Variants in PLEKHN1 observed in about 807,000 individuals in gnomAD.
PLEKHN1 encodes pleckstrin homology domain-containing family N member 1.
A neutral mutation model predicts 72.8 loss-of-function variants in PLEKHN1; 68 were observed. The observed-to-expected ratio is 0.93, with a 90% CI of 0.77 to 1.14. The LOEUF (loss-of-function observed/expected upper bound fraction) is 1.14. Among genes scored for constraint, PLEKHN1 ranks in the 50% most tolerant of loss-of-function variants. The pLI is 0.00. For missense variants in PLEKHN1, 1,015 were observed against 840.5 expected, an observed-to-expected ratio of 1.21 and a Z score of -2.57; for synonymous variants, 454 against 371.6, an observed-to-expected ratio of 1.22 and a Z score of -2.55.
chr1:966,705 G>A lies in PLEKHN1; in HGVS notation c.85G>A (p.Glu29Lys), dbSNP rs779580704. The A allele has an allele frequency of 2.3e-5, 36 of 1,577,716 alleles. No homozygotes were observed. Among genetic ancestry groups the A allele is most frequent in the Non-Finnish European group, 2.9e-5 (34 of 1,162,092 alleles). Residue 29 changes from glutamate to lysine, a missense_variant and splice_region_variant, in exon 2 of 16, where the codon GAG (glutamate) becomes AAG (lysine). Physicochemically the swap from Glu to Lys is moderately conservative, Grantham distance 56. Coordinates refer to ENST00000379410, the MANE Select transcript of PLEKHN1 (RefSeq NM_032129.3). The part of the protein sequence containing the change: ...SRKPSLKGNR[E>K]DSARMSAGLP... The stretch of plus-strand genomic sequence containing the variant: ...CGAGACCCCTTGCCTTGTCCCCAGA[G>A]AGGACAGCGCGCGGATGTCGGCCGG...
intron 2 of PLEKHN1, among the ~76,000 whole-genome samples, chr1:969,029 G>T (rs1341912528): frequency 6.6e-6 from 1 of 152,184 alleles, no homozygotes; most frequent in African/African-American, 2.4e-5. Context: ...GCAACGGTGA[G>T]GACACTGACA....
At position 974,347 on chromosome 1, in the gene PLEKHN1, C is replaced by T. The variant is rs758159850; in HGVS notation, c.1685C>T (p.Pro562Leu). Residue 562 changes from proline (P) to leucine (L), a missense_variant, in exon 15 of 16, where the codon CCC becomes CTC. Physicochemically the swap from Pro to Leu is moderately conservative, Grantham distance 98 (BLOSUM62 -3). Coordinates refer to ENST00000379410, the MANE Select transcript of PLEKHN1 (RefSeq NM_032129.3). ...VSSAREGSPE[P>L]WLPLTDGRSP... The stretch of plus-strand genomic sequence containing the variant: ...TCTGCCAGGGAAGGTTCGCCCGAAC[C>T]CTGGCTGCCTCTGACAGGTGAGTAA... 3 of 1,612,946 alleles carry T rather than the reference C, an allele frequency of 1.9e-6. No individual in the cohort carries two copies. Among genetic ancestry groups the T allele is most frequent in the Non-Finnish European group, 2.5e-6 (3 of 1,180,006 alleles).
rs759607245 is a variant in PLEKHN1, at chr1:972,104, C to A, written c.819C>A (p.Ile273=). ...KGELPLRAVH[I]NLEEKEKQIR... is the part of the protein sequence containing the mutation. The stretch of plus-strand genomic sequence containing the variant: ...AGCTCCCACTCCGTGCCGTCCACAT[C>A]AACCTGGAGGAGAAGGAGAAGCAGA... Residue 273 remains isoleucine, a synonymous_variant, in exon 9 of 16, where the codon ATC becomes ATA. Coordinates refer to ENST00000379410, the MANE Select transcript of PLEKHN1 (RefSeq NM_032129.3). 2 of 1,613,172 alleles carry A rather than the reference C, an allele frequency of 1.2e-6. No individual in the cohort carries two copies. The highest frequency in any genetic ancestry group is 1.7e-6 in the Non-Finnish European group (2 of 1,179,930).
chr1:970,999 C>G lies in PLEKHN1; in HGVS notation c.605C>G (p.Pro202Arg). 1.2e-6 allele frequency: 2 copies of G among 1,603,514 alleles called. No individual in the cohort carries two copies. Among genetic ancestry groups the G allele is most frequent in the Non-Finnish European group, 8.5e-7 (1 of 1,175,558 alleles). Residue 202 changes from proline to arginine, a missense_variant, in exon 6 of 16, where the codon CCC becomes CGC. Coordinates refer to ENST00000379410, the MANE Select transcript of PLEKHN1 (RefSeq NM_032129.3). This position sits in a 1 kb window ranked among gnomAD's most constrained non-coding sequence, Gnocchi z 4.2. ...LGGPRRCHSA[P>R]PQRRLTRLRT... ...GGGCCGCGGCGCTGCCACTCGGCAC[C>G]CCCACAGGTCAGTGCCGGGGACCCC... is the stretch of plus-strand genomic sequence containing the variant.
intron 2 of PLEKHN1, among the ~76,000 whole-genome samples, chr1:969,548 G>C: frequency 6.7e-6 from 1 of 149,104 alleles, no homozygotes; most frequent in Middle Eastern, 3.4e-3. Context: ...ATGTGCACGT[G>C]TGTATGTGTA....
intron 2 of PLEKHN1, among the ~76,000 whole-genome samples, chr1:968,074 G>C (rs562075923): frequency 6.6e-6 from 1 of 152,240 alleles, no homozygotes; most frequent in African/African-American, 2.4e-5. Flanking sequence ...CCGGGGCCCC[G>C]AGGCTGAGCT....
rs1340472249 is a variant in PLEKHN1, at chr1:973,590, C to G, written c.1384C>G (p.Pro462Ala). 2.5e-6 allele frequency: 4 copies of G among 1,613,194 alleles called. No individual in the cohort carries two copies. Among genetic ancestry groups the G allele is most frequent in the African/African-American group, 1.3e-5 (1 of 74,924 alleles). ...GCCCCTCTATGCCGACCCCTACACA[C>G]CACCCGCCACCTCCCACCGCAGGGT... ...HSPLYADPYT[P>A]PATSHRRVTD... Residue 462 changes from proline (P) to alanine (A), a missense_variant, in exon 13 of 16, where the codon CCA becomes GCA. Pro to Ala is a conservative substitution (Grantham distance 27, BLOSUM62 -1). Transcript: ENST00000379410.
intron 2 of PLEKHN1, among the ~76,000 whole-genome samples, chr1:968,425 T>C (rs1011150496): frequency 1.3e-5 from 2 of 152,196 alleles, no homozygotes; most frequent in East Asian, 3.8e-4. Flanking sequence ...AAGCCTGCAT[T>C]TGTAGAGGAC....
intron 2 of PLEKHN1, among the ~76,000 whole-genome samples, chr1:967,420 G>T (rs923451311): frequency 6.7e-6 from 1 of 148,786 alleles, no homozygotes; most frequent in South Asian, 2.1e-4. Context: ...TCACAGGGTA[G>T]ATCCCAGCCC....
rs1268852672 is a variant in PLEKHN1 at position 966,517 on chromosome 1, T to C, written c.-15T>C. ...GGACAGGGACCCAGACTTGCCGACC[T>C]GTACGACTCTGGCCATGGGGAACAG... On this transcript the variant is annotated 5_prime_UTR_variant, in exon 1 of 16. Transcript: ENST00000379410. 2 of 1,589,270 alleles carry C rather than the reference T, an allele frequency of 1.3e-6. No individual in the cohort carries two copies. Among genetic ancestry groups the C allele is most frequent in the African/African-American group, 1.3e-5 (1 of 74,330 alleles).
intron 2 of PLEKHN1, 93 bp downstream of exon 2, chr1:966,896 C>T (rs1024589278): frequency 2.9e-6 from 4 of 1,369,690 alleles, no homozygotes; most frequent in Non-Finnish European, 3.9e-6. Flanking sequence ...GTCTTCCCCT[C>T]GCCCCCGGGG....
Position 974,376 on chromosome 1 carries a change from T to C in PLEKHN1, c.1702+12T>C, listed in dbSNP as rs1461905410. ...GCTGCCTCTGACAGGTGAGTAAGGA[T>C]CCTGCCTCCTGAGGTGAGTGCCTGT... is the stretch of plus-strand genomic sequence containing the variant. On this transcript the variant is annotated intron_variant, in intron 15 of 15. Transcript: ENST00000379410. The C allele has an allele frequency of 1.9e-6, 3 of 1,612,994 alleles. No individual in the cohort carries two copies. The Admixed American group carries it at 5.0e-5, about 27-fold the overall frequency.
chr1:967,009 GAGTC>G (rs1406345767), intron 2 of PLEKHN1, among the ~76,000 whole-genome samples: 3 of 152,216 alleles, frequency 2.0e-5, no homozygotes, highest in Non-Finnish European at 2.9e-5. Flanking sequence ...ACGCAGGACT[GAGTC>G]AGTCGGGAGA....
chr1:973,887 T>C lies in PLEKHN1; in HGVS notation c.1489T>C (p.Ser497Pro). Reference sequence around the variant, plus strand: ...ACCCACGCCCTCGAGCCCACTCCCCTCGGTGCCTGTGTCTGTGCCTGCCTC... The same window carrying C: ...ACCCACGCCCTCGAGCCCACTCCCCCCGGTGCCTGTGTCTGTGCCTGCCTC... ...RGPTPSSPLP[S>P]VPVSVPASDP... Residue 497 changes from serine to proline, a missense_variant, in exon 14 of 16, where the codon TCG becomes CCG. By Grantham distance (74) the Ser-to-Pro change is moderately conservative. Coordinates refer to ENST00000379410, the MANE Select transcript of PLEKHN1 (RefSeq NM_032129.3). 6.2e-7 allele frequency: 1 copy of C among 1,611,074 alleles called. No individual in the cohort carries two copies. The highest frequency in any genetic ancestry group is 8.5e-7 in the Non-Finnish European group (1 of 1,179,898).
At position 972,184 on chromosome 1, in the gene PLEKHN1, G is replaced by A; in HGVS notation, c.865+34G>A. The A allele has an allele frequency of 1.2e-6, 2 of 1,610,126 alleles. 1 individual carries two copies. Among genetic ancestry groups the A allele is most frequent in the South Asian group, 2.2e-5 (2 of 90,816 alleles). On this transcript the variant is annotated intron_variant, in intron 9 of 15. Coordinates refer to ENST00000379410, the MANE Select transcript of PLEKHN1 (RefSeq NM_032129.3). ...CTGACCCTGGTTCTGCCTCCCGCCT[G>A]GCCAGGCCATGGTGGGGCGGGAGCC...
chr1:971,303 A>ACGCC, intron 7 of PLEKHN1, 21 bp from the exon 8 acceptor site: 6 of 1,495,396 alleles, frequency 4.0e-6, no homozygotes, highest in South Asian at 1.2e-5. Context: ...TCATCGCCTG[A>ACGCC]CCCCACCCCC....
intron 2 of PLEKHN1, among the ~76,000 whole-genome samples, chr1:967,570 C>T (rs913888023): frequency 3.3e-5 from 5 of 152,130 alleles, no homozygotes; most frequent in African/African-American, 7.2e-5. Context: ...GGAGCATCTG[C>T]GGGAGAGGAC....
In PLEKHN1 at chr1:966,561, C is replaced by G; in HGVS notation, c.30C>G (p.Ala10=). The change falls in exon 1 of 16, where the codon GCC becomes GCG. Residue 10 remains alanine, a synonymous_variant. Coordinates refer to ENST00000379410, the MANE Select transcript of PLEKHN1 (RefSeq NM_032129.3). MGNSHCVPQ[A]PRRLRASFSR... is the part of the protein sequence containing the mutation. ...GGAACAGCCACTGTGTCCCTCAGGC[C>G]CCCAGGAGGCTCCGGGCCTCCTTCT... 3 of 1,610,788 alleles carry G rather than the reference C, an allele frequency of 1.9e-6. No individual in the cohort carries two copies. Among genetic ancestry groups the G allele is most frequent in the Non-Finnish European group, 2.5e-6 (3 of 1,178,536 alleles).
At chr1:972,704 T>G (rs1179906622) in intron 10 of PLEKHN1, among the ~76,000 whole-genome samples, 157 bp from the exon 11 acceptor site, 1 of 151,620 alleles carries the variant, frequency 6.6e-6, no homozygotes, top group Non-Finnish European at 1.5e-5. Flanking sequence ...AGGCGGAGGT[T>G]GCAGTGAGCC....
Sources: gnomAD v4.1 joint callset for allele counts (sites outside exome capture counted in the v4.1 genomes callset) on GRCh38, gnomAD v4.1.1 for gene constraint, Gnocchi (gnomAD v3.1) non-coding constraint, MANE v1.5 for transcripts, NCBI Gene and HGNC (gene_info 2026-07-23, HGNC 2026-07-21) for gene names.